ENPP1: variants seen among roughly 807,000 people sequenced by gnomAD.
ENPP1 encodes the protein ectonucleotide pyrophosphatase/phosphodiesterase family member 1.
In ENPP1, 73 loss-of-function variants were observed where a neutral mutation model predicts 122.8. The ratio of observed to expected loss-of-function variants is 0.59; its 90% CI spans 0.49 to 0.72. The LOEUF is 0.72. Among genes scored for constraint, ENPP1 ranks in the 30% least tolerant of loss-of-function variants. ENPP1 has a pLI of 0.00. For missense variants in ENPP1, 978 were observed against 1,128.1 expected, an observed-to-expected ratio of 0.87 and a Z score of 1.91; for synonymous variants, 367 against 391.6, an observed-to-expected ratio of 0.94 and a Z score of 0.74.
In ENPP1 at chr6:131,855,021, T is replaced by C. The variant is rs1255448053; in HGVS notation, c.713T>C (p.Leu238Pro). The change falls in exon 6 of 25, where the codon CTA (leucine) becomes CCA (proline). Residue 238 changes from leucine (L) to proline (P), a missense_variant and splice_region_variant. Transcript: ENST00000647893. Reference protein sequence around the residue: ...WGGLLPVISKLKKCGTYTKNM... With the variant: ...WGGLLPVISKPKKCGTYTKNM... Reference sequence around the variant, plus strand: ...GGACTTCTTCCTGTTATTAGCAAACTAAGTGAGTAACTTCAGAGTTTACTG... The same window carrying C: ...GGACTTCTTCCTGTTATTAGCAAACCAAGTGAGTAACTTCAGAGTTTACTG... The C allele has an allele frequency of 6.3e-7, 1 of 1,582,636 alleles. No homozygotes were observed. Among genetic ancestry groups the C allele is most frequent in the South Asian group, 1.1e-5 (1 of 90,520 alleles).
In ENPP1 at chr6:131,860,489, T is replaced by A. The variant is rs780431843; in HGVS notation, c.898T>A (p.Trp300Arg). The A allele has an allele frequency of 2.5e-6, 4 of 1,597,598 alleles. No homozygotes were observed. Among genetic ancestry groups the A allele is most frequent in the Non-Finnish European group, 1.7e-6 (2 of 1,166,086 alleles). Reference protein sequence around the residue: ...LKSKEKFNPEWYKGEPIWVTA... With the variant: ...LKSKEKFNPERYKGEPIWVTA... ...AAGTAAAGAGAAATTTAATCCTGAG[T>A]GGTACAAAGGAGAACCAGTGAGTTC... The change falls in exon 8 of 25, where the codon TGG becomes AGG. Residue 300 changes from tryptophan (W) to arginine (R), a missense_variant. By Grantham distance (101) the Trp-to-Arg change is moderately radical. Coordinates refer to ENST00000647893, the MANE Select transcript of ENPP1 (RefSeq NM_006208.3).
intron 7 of ENPP1, 66 bp downstream of exon 7, chr6:131,858,813 G>A (rs1373804753): frequency 8.7e-7 from 1 of 1,146,478 alleles, no homozygotes; most frequent in Non-Finnish European, 1.3e-6. Flanking sequence ...ATTTTTTGAG[G>A]GAATAGATTT....
intron 22 of ENPP1, 30 bp from the exon 23 acceptor site, chr6:131,884,901 G>A (rs368951657): frequency 4.1e-5 from 66 of 1,613,258 alleles, no homozygotes; most frequent in Non-Finnish European, 5.3e-5. Context: ...TTGTTCTTTT[G>A]AAACTACACT....
At chr6:131,814,276 A>T (rs1159772014) in intron 1 of ENPP1, among the ~76,000 whole-genome samples, 1 of 152,172 alleles carries the variant, frequency 6.6e-6, no homozygotes, top group Non-Finnish European at 1.5e-5. Flanking sequence ...GTGAGACCTC[A>T]TCTCCACAAC....
At chr6:131,830,559 A>G (rs1272362272) in intron 1 of ENPP1, among the ~76,000 whole-genome samples, 1 of 152,240 alleles carries the variant, frequency 6.6e-6, no homozygotes, top group East Asian at 1.9e-4. Context: ...AAAATCATAC[A>G]TTGATGAAAT....
chr6:131,826,990 G>T, intron 1 of ENPP1: 1 of 464,502 alleles, frequency 2.2e-6, no homozygotes, highest in Non-Finnish European at 4.0e-6. Context: ...AGTGCAGGAT[G>T]GTCTACTACC....
Position 131,831,786 on chromosome 6 carries a change from T to C in ENPP1, c.241-15990T>C, listed in dbSNP as rs550384836. The stretch of plus-strand genomic sequence containing the variant: ...ATGATGTTAACCTTGACTACCCGGC[T>C]GAGGTAGTCTTTTTCAGGTTTCTTT... On this transcript the variant is annotated intron_variant, in intron 1 of 24. Coordinates refer to ENST00000647893, the MANE Select transcript of ENPP1 (RefSeq NM_006208.3). Among the ~76,000 whole-genome samples, 5 of 152,362 alleles carry C rather than the reference T, an allele frequency of 3.3e-5. No individual in the cohort carries two copies. The East Asian group carries it at 9.6e-4, about 29-fold the overall frequency.
At chr6:131,880,179 C>G in intron 20 of ENPP1, 145 bp downstream of exon 20, 1 of 868,400 alleles carries the variant, frequency 1.2e-6, no homozygotes, top group Non-Finnish European at 1.9e-6. Context: ...CAGAAAAATT[C>G]AGTTCCAGTT....
At chr6:131,889,944 T>C (rs1267179424) in intron 24 of ENPP1, among the ~76,000 whole-genome samples, 1 of 150,818 alleles carries the variant, frequency 6.6e-6, no homozygotes, top group Admixed American at 6.6e-5. Context: ...ACAACCTTAC[T>C]AGCTAGCGTC....
intron 9 of ENPP1, among the ~76,000 whole-genome samples, chr6:131,863,882 C>A (rs1585826041): frequency 6.6e-6 from 1 of 152,068 alleles, no homozygotes; most frequent in Non-Finnish European, 1.5e-5. Flanking sequence ...CGCCACTGCA[C>A]TCCAGCCTGG....
chr6:131,825,079 AAAAGCAATTG>A (rs896725011), intron 1 of ENPP1, among the ~76,000 whole-genome samples: 2 of 152,068 alleles, frequency 1.3e-5, no homozygotes, highest in Admixed American at 1.3e-4. Flanking sequence ...ACAAACAAAC[AAAAGCAATTG>A]AAAGCAATTG....
At position 131,875,815 on chromosome 6, in the gene ENPP1, A is replaced by C; in HGVS notation, c.1675A>C (p.Ile559Leu). The change falls in exon 17 of 25, where the codon ATT becomes CTT. Residue 559 changes from isoleucine (I) to leucine (L), a missense_variant. Transcript: ENST00000647893. ...CTATGGACCTGGATTCAAGCATGGCATTGAGGCTGACACCTTTGAAAACAT... is the reference window on the plus strand; with the variant it reads ...CTATGGACCTGGATTCAAGCATGGCCTTGAGGCTGACACCTTTGAAAACAT... ...VGYGPGFKHG[I>L]EADTFENIEV... 6.2e-7 allele frequency: 1 copy of C among 1,614,092 alleles called. No homozygotes were observed. The highest frequency in any genetic ancestry group is 2.2e-5 in the East Asian group (1 of 44,882).
At chr6:131,812,274 T>G (rs1781364527) in intron 1 of ENPP1, among the ~76,000 whole-genome samples, 1 of 152,228 alleles carries the variant, frequency 6.6e-6, no homozygotes, top group Admixed American at 6.5e-5. Flanking sequence ...TTCCTATTCC[T>G]GAAGGTAACC....
At chr6:131,830,378 T>C (rs897483318) in intron 1 of ENPP1, among the ~76,000 whole-genome samples, 3 of 152,136 alleles carry the variant, frequency 2.0e-5, no homozygotes, top group African/African-American at 7.2e-5. Flanking sequence ...GGAGAGACTT[T>C]GGGCAAAGCG....
In ENPP1 at chr6:131,890,715, G is replaced by A. The variant is rs1782458286; in HGVS notation, c.*204G>A. 1.7e-6 allele frequency: 1 copy of A among 601,686 alleles called. No individual in the cohort carries two copies. The highest frequency in any genetic ancestry group is 3.0e-6 in the Non-Finnish European group (1 of 338,882). 37.3% of individuals were successfully genotyped at this position (601,686 alleles called of 1,614,324 possible). A position where few individuals can be genotyped will look rare whatever the true frequency, so the allele number is the denominator to read the frequency against. Reference sequence around the variant, plus strand: ...TGTTGAATCTTGCACATATTTGAATGTGTAAGCATTGTATACATTGATCAA... The same window carrying A: ...TGTTGAATCTTGCACATATTTGAATATGTAAGCATTGTATACATTGATCAA... On this transcript the variant is annotated 3_prime_UTR_variant, in exon 25 of 25. Transcript: ENST00000647893.
chr6:131,813,675 G>T (rs143497924), intron 1 of ENPP1, among the ~76,000 whole-genome samples: 1 of 152,044 alleles, frequency 6.6e-6, no homozygotes, highest in Non-Finnish European at 1.5e-5. Context: ...ACGTTTTCGC[G>T]GTCTTATTTC....
At position 131,847,757 on chromosome 6, in the gene ENPP1, T is replaced by A. The variant is rs1293872794; in HGVS notation, c.241-19T>A. 1.3e-6 allele frequency: 2 copies of A among 1,550,842 alleles called. No homozygotes were observed. The highest frequency in any genetic ancestry group is 1.8e-6 in the Non-Finnish European group (2 of 1,127,056). ...TTTTTAAAAAAGAAACCATGTAATT[T>A]TCTCTTTTCTCCCTACAGGTATTGT... On this transcript the variant is annotated intron_variant, in intron 1 of 24. Coordinates refer to ENST00000647893, the MANE Select transcript of ENPP1 (RefSeq NM_006208.3).
chr6:131,845,043 GTTTTTTTTTTTTTTTTT>G (rs142380855), intron 1 of ENPP1, among the ~76,000 whole-genome samples: 5,325 of 85,202 alleles, frequency 0.062, 293 homozygotes, highest in African/African-American at 0.18. Context: ...ATTCTTCATG[GTTTTTTTTTTTTTTTTT>G]TTTTTTTTTT....
At chr6:131,831,575 GTT>G (rs780207045) in intron 1 of ENPP1, among the ~76,000 whole-genome samples, 2 of 152,122 alleles carry the variant, frequency 1.3e-5, no homozygotes, top group Non-Finnish European at 2.9e-5. Context: ...GACCTTGACA[GTT>G]TTAAAGAGTA....
Sources: allele counts gnomAD v4.1 joint callset (sites outside exome capture counted in the v4.1 genomes callset), GRCh38; gene constraint gnomAD v4.1.1; transcripts MANE v1.5; gene names NCBI Gene and HGNC (gene_info 2026-07-23, HGNC 2026-07-21).